The following ZNF804B variants were observed in gnomAD, a reference collection of about 807,000 sequenced individuals.
ZNF804B encodes the protein zinc finger 804B.
In ZNF804B, 80 loss-of-function variants were observed where a neutral mutation model predicts 101.4. The ratio of observed to expected loss-of-function variants is 0.79; its 90% CI spans 0.66 to 0.95. ZNF804B has a LOEUF of 0.95. Among genes scored for constraint, ZNF804B ranks in the 40% least tolerant of loss-of-function variants. ZNF804B has a pLI of 0.00. For missense variants in ZNF804B, 1,673 were observed against 1,561.9 expected (o/e 1.07, Z -1.20); for synonymous variants, 622 against 558.8 (o/e 1.11, Z -1.59).
chr7:88,905,330 T>G lies in ZNF804B; in HGVS notation c.108+145246T>G, dbSNP rs562038917. ...ATTGTGGCGAATTAACTTTTTGATGTGCTGTTGAATACAGTATGCTAGTTT... is the reference window on the plus strand; with the variant it reads ...ATTGTGGCGAATTAACTTTTTGATGGGCTGTTGAATACAGTATGCTAGTTT... On this transcript the variant is annotated intron_variant, in intron 1 of 3. Transcript: ENST00000333190. 7.9e-5 allele frequency among the ~76,000 whole-genome samples: 12 copies of G among 152,186 alleles called. No individual in the cohort carries two copies. In the South Asian group the frequency reaches 2.5e-3, roughly 32 times the overall value.
At chr7:89,180,282 C>G (rs560674792) in intron 1 of ZNF804B, among the ~76,000 whole-genome samples, 8 of 152,282 alleles carry the variant, frequency 5.3e-5, no homozygotes, top group Admixed American at 2.0e-4. Flanking sequence ...GAAATGCTGT[C>G]TGATAGCTAG....
chr7:88,810,365 T>A (rs4727188), intron 1 of ZNF804B, among the ~76,000 whole-genome samples: 51,899 of 151,828 alleles, frequency 0.34, 9,448 homozygotes, highest in East Asian at 0.51. Context: ...TAAAAATCAT[T>A]AAAAAGAGCT....
intron 1 of ZNF804B, among the ~76,000 whole-genome samples, chr7:89,171,279 G>GCTTCTTCTTCTTCTT (rs1491306372): frequency 1.4e-5 from 1 of 70,544 alleles, no homozygotes; most frequent in Non-Finnish European, 3.1e-5. Flanking sequence ...CACAAATAAT[G>GCTTCTTCTTCTTCTT]CTGCTGCTGC....
At chr7:88,800,030 C>T (rs967997020) in intron 1 of ZNF804B, among the ~76,000 whole-genome samples, 2 of 151,998 alleles carry the variant, frequency 1.3e-5, no homozygotes, top group African/African-American at 4.8e-5. Flanking sequence ...CTCACCTGTG[C>T]TCAGGTCCTA....
intron 1 of ZNF804B, among the ~76,000 whole-genome samples, chr7:88,860,251 T>TA (rs1791626839): frequency 6.6e-6 from 1 of 152,000 alleles, no homozygotes; most frequent in South Asian, 2.1e-4. Flanking sequence ...TTTGAAGAAA[T>TA]AAAAAATGGG....
intron 1 of ZNF804B, among the ~76,000 whole-genome samples, chr7:89,179,343 T>C (rs113475416): frequency 5.3e-5 from 8 of 152,256 alleles, no homozygotes; most frequent in African/African-American, 1.9e-4. Context: ...TTGAATTCTT[T>C]TATATTCTTT....
At chr7:88,857,496 A>G (rs550426235) in intron 1 of ZNF804B, among the ~76,000 whole-genome samples, 2 of 152,164 alleles carry the variant, frequency 1.3e-5, no homozygotes, top group Non-Finnish European at 2.9e-5. Context: ...TCTACACAAA[A>G]AAACTAGAAA....
intron 2 of ZNF804B, among the ~76,000 whole-genome samples, chr7:89,234,740 G>A (rs1446090049): frequency 3.3e-5 from 5 of 152,158 alleles, no homozygotes; most frequent in Admixed American, 3.3e-4. Flanking sequence ...TCAGACTCCA[G>A]GTTCTTTGGC....
chr7:89,292,437 C>G (rs976757609), intron 2 of ZNF804B, among the ~76,000 whole-genome samples: 3 of 152,022 alleles, frequency 2.0e-5, no homozygotes, highest in African/African-American at 7.2e-5. Context: ...TATTAGTTTT[C>G]TTTTTGCTTG....
At chr7:89,147,236 C>A (rs915950283) in intron 1 of ZNF804B, among the ~76,000 whole-genome samples, 4 of 151,918 alleles carry the variant, frequency 2.6e-5, no homozygotes, top group Non-Finnish European at 5.9e-5. Context: ...CATATTACAG[C>A]TACGCTGTGA....
chr7:88,993,548 C>T (rs1206872984), intron 1 of ZNF804B, among the ~76,000 whole-genome samples: 1 of 152,000 alleles, frequency 6.6e-6, no homozygotes, highest in Non-Finnish European at 1.5e-5. Flanking sequence ...TAGTTCCTAT[C>T]TGCACTGAAC....
intron 1 of ZNF804B, among the ~76,000 whole-genome samples, chr7:88,769,665 T>G (rs1790033989): frequency 6.6e-6 from 1 of 152,192 alleles, no homozygotes; most frequent in Non-Finnish European, 1.5e-5. Context: ...AAAATAGTGT[T>G]TTGTAATCTT....
chr7:89,280,589 C>T (rs1300133150), intron 2 of ZNF804B, among the ~76,000 whole-genome samples: 1 of 152,220 alleles, frequency 6.6e-6, no homozygotes, highest in Admixed American at 6.5e-5. Context: ...ACCGATCCCA[C>T]AGAAATACAA....
chr7:88,956,161 T>G (rs1160910676), intron 1 of ZNF804B, among the ~76,000 whole-genome samples: 1 of 151,598 alleles, frequency 6.6e-6, no homozygotes, highest in Non-Finnish European at 1.5e-5. Context: ...ACAGTCATCT[T>G]GGAAAACAGT....
intron 1 of ZNF804B, among the ~76,000 whole-genome samples, chr7:88,775,691 A>G (rs1019086043): frequency 1.3e-5 from 2 of 152,198 alleles, no homozygotes; most frequent in African/African-American, 2.4e-5. Flanking sequence ...CTATAAAGTT[A>G]ATTTTCAGTT....
At chr7:88,938,971 C>G (rs1018099737) in intron 1 of ZNF804B, among the ~76,000 whole-genome samples, 6 of 151,902 alleles carry the variant, frequency 3.9e-5, no homozygotes, top group Admixed American at 3.9e-4. Flanking sequence ...ATTCTTGTCA[C>G]TAAGTTCAAT....
intron 1 of ZNF804B, among the ~76,000 whole-genome samples, chr7:88,791,216 A>G (rs1008291340): frequency 1.8e-4 from 28 of 152,082 alleles, no homozygotes; most frequent in Non-Finnish European, 2.4e-4. Flanking sequence ...TCCTTTATTC[A>G]ACTGCCAAAG....
At chr7:89,071,476 C>T (rs1017126000) in intron 1 of ZNF804B, among the ~76,000 whole-genome samples, 5 of 152,136 alleles carry the variant, frequency 3.3e-5, no homozygotes, top group African/African-American at 1.2e-4. Flanking sequence ...GGTAAGGACA[C>T]TCACCCAAAG....
chr7:89,003,899 T>G (rs1289670524), intron 1 of ZNF804B, among the ~76,000 whole-genome samples: 3 of 151,962 alleles, frequency 2.0e-5, no homozygotes, highest in Non-Finnish European at 2.9e-5. Context: ...TGGTAAAATC[T>G]AGCCTGTTTG....
Sources: gnomAD v4.1 joint callset for allele counts (sites outside exome capture counted in the v4.1 genomes callset) on GRCh38, gnomAD v4.1.1 for gene constraint, MANE v1.5 for transcripts, NCBI Gene and HGNC (gene_info 2026-07-23, HGNC 2026-07-21) for gene names.